The following DST variants were observed in gnomAD, a reference collection of about 807,000 sequenced individuals.
DST encodes bullous pemphigoid antigen.
DST carries 253 observed loss-of-function variants against 875.2 expected under a neutral mutation model. That is an observed-to-expected ratio of 0.29 (90% CI 0.26 to 0.32). The LOEUF (loss-of-function observed/expected upper bound fraction) is 0.32, where lower values mean the gene tolerates loss of function less well. Among genes scored for constraint, DST ranks in the 10% least tolerant of loss-of-function variants. DST has a pLI of 1.00. For synonymous variants in DST, 3,124 were observed against 3,197.1 expected (o/e 0.98, Z 0.77); for missense variants, 8,287 against 9,111.6 (o/e 0.91, Z 3.68).
intron 4 of DST, among the ~76,000 whole-genome samples, chr6:56,783,907 T>G (rs1390276048): frequency 1.3e-5 from 2 of 152,212 alleles, no homozygotes; most frequent in Non-Finnish European, 2.9e-5. Flanking sequence ...GGCGCTCTTT[T>G]AGGGCAGGCC....
chr6:56,512,372 T>C (rs2152479684), intron 72 of DST, among the ~76,000 whole-genome samples: 1 of 152,252 alleles, frequency 6.6e-6, no homozygotes, highest in South Asian at 2.1e-4. Flanking sequence ...CAATGAGCAG[T>C]TTTTCATGGG....
At chr6:56,914,443 G>C (rs144081996) in intron 2 of DST, among the ~76,000 whole-genome samples, 206 of 152,258 alleles carry the variant, frequency 1.4e-3, no homozygotes, top group Non-Finnish European at 2.6e-3. Flanking sequence ...CGTCCCCCAG[G>C]CCAAATGCTG....
At position 56,570,030 on chromosome 6, in the gene DST, T is replaced by C. The variant is rs142116095; in HGVS notation, c.13722-18A>G. On this transcript the variant is annotated intron_variant, in intron 53 of 103. Transcript: ENST00000680361. ...CTTCTTTTCTACATAACAAAAATCA[T>C]ACAAGAATTTAAGTCACAGAAAGAA... 2 of 1,527,692 alleles carry C rather than the reference T, an allele frequency of 1.3e-6. No individual in the cohort carries two copies. Among genetic ancestry groups the C allele is most frequent in the South Asian group, 2.5e-5 (2 of 80,948 alleles). 94.6% of individuals were successfully genotyped at this position (1,527,692 alleles called of 1,614,324 possible).
chr6:56,853,376 T>A (rs1165938320), intron 3 of DST, among the ~76,000 whole-genome samples: 1 of 152,222 alleles, frequency 6.6e-6, no homozygotes, highest in Admixed American at 6.5e-5. Flanking sequence ...CATGCTTTTC[T>A]GAAAATCCAT....
intron 54 of DST, among the ~76,000 whole-genome samples, chr6:56,569,368 T>A (rs2097743338): frequency 7.1e-6 from 1 of 141,838 alleles, no homozygotes. Flanking sequence ...TCCACAAATT[T>A]GGAATGGGGG....
chr6:56,809,613 G>A (rs1420733931), intron 4 of DST, among the ~76,000 whole-genome samples: 1 of 152,032 alleles, frequency 6.6e-6, no homozygotes, highest in East Asian at 1.9e-4. Context: ...ATAAATTTTT[G>A]GCTGATGCCT....
At chr6:56,542,385 C>G (rs1407141547) in intron 61 of DST, 1 of 128,624 alleles carries the variant, frequency 7.8e-6, no homozygotes, top group Non-Finnish European at 1.5e-5. Context: ...ATCCAGCAAC[C>G]GTTTAAAGTA....
chr6:56,724,519 T>G (rs2099438513), intron 5 of DST, among the ~76,000 whole-genome samples: 1 of 152,216 alleles, frequency 6.6e-6, no homozygotes. Context: ...GGCAGGAGGT[T>G]GAAATGCTAT....
intron 3 of DST, among the ~76,000 whole-genome samples, chr6:56,896,236 G>C (rs543005956): frequency 1.6e-3 from 236 of 151,976 alleles, no homozygotes; most frequent in Non-Finnish European, 2.9e-3. Context: ...ATCTCAACTT[G>C]AATTGTATCT....
intron 60 of DST, among the ~76,000 whole-genome samples, chr6:56,554,655 T>A (rs967354078): frequency 2.6e-5 from 4 of 152,234 alleles, no homozygotes; most frequent in African/African-American, 4.8e-5. Context: ...TTTACTATTG[T>A]TAATGTCATG....
chr6:56,686,644 T>C (rs2099189209), intron 9 of DST, among the ~76,000 whole-genome samples: 1 of 152,166 alleles, frequency 6.6e-6, no homozygotes, highest in African/African-American at 2.4e-5. Flanking sequence ...AAATATTTGC[T>C]AAAGAAATGA....
At chr6:56,883,159 C>T (rs1362992433) in intron 3 of DST, among the ~76,000 whole-genome samples, 9 of 152,180 alleles carry the variant, frequency 5.9e-5, no homozygotes, top group Non-Finnish European at 1.3e-4. Flanking sequence ...TGAGCCACCA[C>T]GCCAGGCCCA....
chr6:56,676,705 AAAAG>A (rs1039553352), intron 9 of DST, among the ~76,000 whole-genome samples: 2 of 152,208 alleles, frequency 1.3e-5, no homozygotes, highest in African/African-American at 4.8e-5. Context: ...AAAAAAAAAA[AAAAG>A]GAGGAAATGT....
Position 56,825,308 on chromosome 6 carries a change from G to C in DST, c.625+26089C>G, listed in dbSNP as rs1280729147. Among the ~76,000 whole-genome samples, 7 of 147,456 alleles carry C rather than the reference G, an allele frequency of 4.7e-5. No individual in the cohort carries two copies. In the South Asian group the frequency reaches 8.8e-4, roughly 19 times the overall value. ...ACAGATGCTTGAAGGCAGCATGCTCGTTAAGAGTCATCACCACTCCCTAAT... is the reference window on the plus strand; with the variant it reads ...ACAGATGCTTGAAGGCAGCATGCTCCTTAAGAGTCATCACCACTCCCTAAT... On this transcript the variant is annotated intron_variant, in intron 4 of 103. Coordinates refer to ENST00000680361, the MANE Select transcript of DST (RefSeq NM_001374736.1).
rs10660963 is a variant in DST, at chr6:56,694,216, TA to T, written c.1047+5436del. Among the ~76,000 whole-genome samples the T allele has an allele frequency of 3.1e-3, 431 of 138,346 alleles. 2 individuals carry two copies. The highest frequency in any genetic ancestry group is 0.013 in the South Asian group (56 of 4,290). 90.8% of individuals were successfully genotyped at this position (138,346 alleles called of 152,430 possible). ...TTCTAACACTGAGTCATAGATATGG[TA>T]AAAAAAAAAAAAAATTAGAATAGCA... On this transcript the variant is annotated intron_variant, in intron 9 of 103. Coordinates refer to ENST00000680361, the MANE Select transcript of DST (RefSeq NM_001374736.1).
At chr6:56,720,333 T>C (rs143980791) in intron 5 of DST, among the ~76,000 whole-genome samples, 2,899 of 151,804 alleles carry the variant, frequency 0.019, 76 homozygotes, top group African/African-American at 0.061. Context: ...CCCTGAACAA[T>C]TGCTGTTATC....
Position 56,508,788 on chromosome 6 carries a change from G to A in DST, c.19013-33C>T, listed in dbSNP as rs372633550. The A allele has an allele frequency of 5.2e-6, 8 of 1,537,616 alleles. No individual in the cohort carries two copies. The African/African-American group carries it at 1.1e-4, about 21-fold the overall frequency. ...GCAAAACAATATCCACAAGGCGACT[G>A]GTTAGCCCCACGTAACCAACAAAGC... On this transcript the variant is annotated intron_variant, in intron 74 of 103. Transcript: ENST00000680361.
In DST at chr6:56,503,927, G is replaced by A. The variant is rs533792428; in HGVS notation, c.19566+70C>T. The A allele has an allele frequency of 8.5e-4, 888 of 1,040,916 alleles. 15 individuals carry two copies. In the South Asian group the frequency reaches 8.6e-3, roughly 10 times the overall value. 64.5% of individuals were successfully genotyped at this position (1,040,916 alleles called of 1,614,324 possible). ...CTTACATTAGGTAAAATAAATTTATGTACAAAATTATGTGAATCAAGGACT... is the reference window on the plus strand; with the variant it reads ...CTTACATTAGGTAAAATAAATTTATATACAAAATTATGTGAATCAAGGACT... On this transcript the variant is annotated intron_variant, in intron 78 of 103. Transcript: ENST00000680361.
At chr6:56,946,001 T>A (rs1819283113) in intron 2 of DST, among the ~76,000 whole-genome samples, 1 of 152,156 alleles carries the variant, frequency 6.6e-6, no homozygotes, top group South Asian at 2.1e-4. Flanking sequence ...CTTGTGAATA[T>A]ACCAAAAACC....
Sources: gnomAD v4.1 joint callset for allele counts (sites outside exome capture counted in the v4.1 genomes callset) on GRCh38, gnomAD v4.1.1 for gene constraint, MANE v1.5 for transcripts, NCBI Gene and HGNC (gene_info 2026-07-23, HGNC 2026-07-21) for gene names.